The following SMYD2 variants were observed in gnomAD, a reference collection of about 807,000 sequenced individuals.
SMYD2 encodes the protein SET and MYND domain containing 2, also known as N-lysine methyltransferase SMYD2.
In SMYD2, 53 loss-of-function variants were observed where a neutral mutation model predicts 59.1. The ratio of observed to expected loss-of-function variants is 0.90; its 90% CI spans 0.72 to 1.13. SMYD2 has a LOEUF of 1.13. Among genes scored for constraint, SMYD2 ranks in the 50% most tolerant of loss-of-function variants. SMYD2 has a pLI of 0.00. For synonymous variants in SMYD2, 208 were observed against 198.8 expected (o/e 1.05, Z -0.39); for missense variants, 494 against 544.7 (o/e 0.91, Z 0.93).
At chr1:214,313,512 TAAA>T (rs79944948) in intron 2 of SMYD2, among the ~76,000 whole-genome samples, 3 of 138,348 alleles carry the variant, frequency 2.2e-5, no homozygotes, top group Non-Finnish European at 4.7e-5. Context: ...ATTTCCCATC[TAAA>T]AAAAAAAAAA....
chr1:214,285,820 C>T (rs1300324265), intron 1 of SMYD2, among the ~76,000 whole-genome samples: 5 of 152,202 alleles, frequency 3.3e-5, no homozygotes, highest in African/African-American at 1.2e-4. Context: ...GAGTCTACTA[C>T]TCACCTAGGC....
intron 1 of SMYD2, among the ~76,000 whole-genome samples, chr1:214,281,710 G>T (rs1209743509): frequency 2.6e-5 from 4 of 152,230 alleles, no homozygotes; most frequent in Non-Finnish European, 5.9e-5. Flanking sequence ...GGGCGTGCAG[G>T]TTCCTGCCCT....
At chr1:214,315,022 A>G in intron 3 of SMYD2, 150 bp downstream of exon 3, 1 of 649,774 alleles carries the variant, frequency 1.5e-6, no homozygotes, top group East Asian at 2.8e-5. Context: ...GGGTGGGGAA[A>G]ATACTCCAGG....
rs956657210 is a variant in SMYD2 at position 214,312,959 on chromosome 1, T to A, written c.238-1803T>A. On this transcript the variant is annotated intron_variant, in intron 2 of 11. Coordinates refer to ENST00000366957, the MANE Select transcript of SMYD2 (RefSeq NM_020197.3). This position sits in a 1 kb window ranked among gnomAD's most constrained non-coding sequence, Gnocchi z 4.1. ...CAGTTAGAAGGCAGTGGCAGGACAT[T>A]AGTCATGAGAGATGTTGGGGCTGCA... Among the ~76,000 whole-genome samples, 3 of 152,022 alleles carry A rather than the reference T, an allele frequency of 2.0e-5. No homozygotes were observed. Among genetic ancestry groups the A allele is most frequent in the Non-Finnish European group, 2.9e-5 (2 of 67,994 alleles).
At chr1:214,291,523 T>C (rs1322975417) in intron 1 of SMYD2, among the ~76,000 whole-genome samples, 1 of 152,260 alleles carries the variant, frequency 6.6e-6, no homozygotes, top group Non-Finnish European at 1.5e-5. Flanking sequence ...CATTCTTCAT[T>C]GAACCTCAGC....
At chr1:214,305,929 G>A (rs567968990) in intron 2 of SMYD2, among the ~76,000 whole-genome samples, 13 of 152,198 alleles carry the variant, frequency 8.5e-5, no homozygotes, top group African/African-American at 1.2e-4. Context: ...CAAAATGTTC[G>A]TAGGTATTCC....
intron 1 of SMYD2, 79 bp from the exon 2 acceptor site, chr1:214,305,108 C>G (rs906446632): frequency 1.5e-6 from 2 of 1,376,590 alleles, no homozygotes; most frequent in African/African-American, 1.4e-5. Context: ...AACCAAGTGG[C>G]TTTTGTTGTT....
Position 214,312,137 on chromosome 1 carries a change from C to G in SMYD2, c.238-2625C>G, listed in dbSNP as rs1425720313. ...TGCATATCTTGTCATTTCTTTTCCT[C>G]CCTGCTCTTAGTTATATTTGGCGCG... On this transcript the variant is annotated intron_variant, in intron 2 of 11. Coordinates refer to ENST00000366957, the MANE Select transcript of SMYD2 (RefSeq NM_020197.3). The surrounding 1 kb of genome is among the most constrained non-coding windows in gnomAD (Gnocchi z 4.1). Among the ~76,000 whole-genome samples, 1 of 152,228 alleles carries G rather than the reference C, an allele frequency of 6.6e-6. No homozygotes were observed. Among genetic ancestry groups the G allele is most frequent in the Admixed American group, 6.5e-5 (1 of 15,290 alleles).
intron 7 of SMYD2, among the ~76,000 whole-genome samples, chr1:214,328,050 A>G (rs1558057364): frequency 6.6e-6 from 1 of 152,248 alleles, no homozygotes; most frequent in Non-Finnish European, 1.5e-5. Flanking sequence ...CAAAATGACC[A>G]CAGTCAAACT....
chr1:214,318,745 TG>T lies in SMYD2; in HGVS notation c.410-111del. 1 of 1,263,160 alleles carries T rather than the reference TG, an allele frequency of 7.9e-7. No individual in the cohort carries two copies. The highest frequency in any genetic ancestry group is 1.1e-6 in the Non-Finnish European group (1 of 930,242). The allele number at this position is 1,263,160 out of a possible 1,614,324, so 78.2% of individuals were successfully genotyped here. A position where few individuals can be genotyped will look rare whatever the true frequency, so the allele number is the denominator to read the frequency against. ...CTCTGGGGGTTCAACATGTTAGTTT[TG>T]GGTTTTTTTTTTTTCGCCCGTTCCT... On this transcript the variant is annotated intron_variant, in intron 4 of 11. Transcript: ENST00000366957. The surrounding 1 kb of genome is among the most constrained non-coding windows in gnomAD (Gnocchi z 5.4).
intron 1 of SMYD2, among the ~76,000 whole-genome samples, chr1:214,295,645 C>CT (rs1333506864): frequency 6.6e-6 from 1 of 152,192 alleles, no homozygotes; most frequent in African/African-American, 2.4e-5. Context: ...AGAACAAAGC[C>CT]TGGTGCTGAG....
Position 214,336,894 on chromosome 1 carries a change from A to T in SMYD2, c.*110A>T. 1.0e-6 allele frequency: 1 copy of T among 957,910 alleles called. No individual in the cohort carries two copies. The highest frequency in any genetic ancestry group is 1.5e-6 in the Non-Finnish European group (1 of 656,574). 59.3% of individuals were successfully genotyped at this position (957,910 alleles called of 1,614,324 possible). A position where few individuals can be genotyped will look rare whatever the true frequency, so the allele number is the denominator to read the frequency against. ...CCAGCATCTCTGTAAAATAATTGGA[A>T]TGAAAATACTTCTTGCACTTAAACA... On this transcript the variant is annotated 3_prime_UTR_variant, in exon 12 of 12. Transcript: ENST00000366957.
At position 214,281,413 on chromosome 1, in the gene SMYD2, G is replaced by A. The variant is rs772152951; in HGVS notation, c.159G>A (p.Glu53=). 13 of 1,447,534 alleles carry A rather than the reference G, an allele frequency of 9.0e-6. No homozygotes were observed. Among genetic ancestry groups the A allele is most frequent in the Non-Finnish European group, 1.2e-5 (13 of 1,095,678 alleles). 89.7% of individuals were successfully genotyped at this position (1,447,534 alleles called of 1,614,324 possible). A position where few individuals can be genotyped will look rare whatever the true frequency, so the allele number is the denominator to read the frequency against. The part of the protein sequence containing the change: ...LTVNERGNHC[E]YCFTRKEGLS... ...TCAACGAGCGGGGCAACCACTGCGA[G>A]TACTGCTTCACCAGGTAGGGCGGCG... The change falls in exon 1 of 12, where the codon GAG becomes GAA. Residue 53 remains glutamate (E), a synonymous_variant. Coordinates refer to ENST00000366957, the MANE Select transcript of SMYD2 (RefSeq NM_020197.3).
chr1:214,324,791 C>T lies in SMYD2; in HGVS notation c.602+83C>T, dbSNP rs1046629402. 11 of 1,230,566 alleles carry T rather than the reference C, an allele frequency of 8.9e-6. No homozygotes were observed. In the African/African-American group the frequency reaches 1.7e-4, roughly 19 times the overall value. The allele number at this position is 1,230,566 out of a possible 1,614,324, so 76.2% of individuals were successfully genotyped here. A position where few individuals can be genotyped will look rare whatever the true frequency, so the allele number is the denominator to read the frequency against. On this transcript the variant is annotated intron_variant, in intron 6 of 11. Coordinates refer to ENST00000366957, the MANE Select transcript of SMYD2 (RefSeq NM_020197.3). ...TTTTTTTCATTTTTAAATAACCCAC[C>T]TAACTGCATGTGGCAGACATGAAAC...
At chr1:214,326,753 C>G (rs1430597697) in intron 6 of SMYD2, among the ~76,000 whole-genome samples, 1 of 152,062 alleles carries the variant, frequency 6.6e-6, no homozygotes, top group African/African-American at 2.4e-5. Flanking sequence ...AGGAGAGGGG[C>G]TGTGGTCTCT....
At chr1:214,306,825 G>A (rs1656921863) in intron 2 of SMYD2, among the ~76,000 whole-genome samples, 1 of 152,210 alleles carries the variant, frequency 6.6e-6, no homozygotes, top group Non-Finnish European at 1.5e-5. Context: ...GTAGCAGGAG[G>A]CCATGGTCCC....
chr1:214,307,427 G>A (rs973190668), intron 2 of SMYD2, among the ~76,000 whole-genome samples: 1 of 152,170 alleles, frequency 6.6e-6, no homozygotes, highest in African/African-American at 2.4e-5. Context: ...GAAATAAACA[G>A]CATAGTTTTG....
At chr1:214,286,676 C>G (rs543273547) in intron 1 of SMYD2, among the ~76,000 whole-genome samples, 27 of 142,990 alleles carry the variant, frequency 1.9e-4, no homozygotes, top group African/African-American at 6.9e-4. Context: ...AGGAGAATGG[C>G]TTGAACCTAG....
chr1:214,330,324 A>G (rs1657331594), intron 8 of SMYD2, 46 bp downstream of exon 8: 1 of 1,312,816 alleles, frequency 7.6e-7, no homozygotes, highest in South Asian at 1.3e-5. Context: ...CTCTGATCTC[A>G]GGACCTCTCT....
Sources: gnomAD v4.1 joint callset for allele counts (sites outside exome capture counted in the v4.1 genomes callset) on GRCh38, gnomAD v4.1.1 for gene constraint, Gnocchi (gnomAD v3.1) non-coding constraint, MANE v1.5 for transcripts, NCBI Gene and HGNC (gene_info 2026-07-23, HGNC 2026-07-21) for gene names.